The following ARHGAP28 variants were observed in gnomAD, a reference collection of about 807,000 sequenced individuals.
ARHGAP28 encodes the protein rho GTPase-activating protein 28.
Under a neutral mutation model 90.7 loss-of-function variants are expected in ARHGAP28, and 56 were observed. The observed-to-expected ratio is 0.62, with a 90% CI of 0.50 to 0.77. ARHGAP28 has a LOEUF of 0.77. Among genes scored for constraint, ARHGAP28 ranks in the 30% least tolerant of loss-of-function variants. ARHGAP28 has a pLI of 0.00. For missense variants in ARHGAP28, 869 were observed against 900.9 expected, an observed-to-expected ratio of 0.96 and a Z score of 0.45; for synonymous variants, 308 against 323.3, an observed-to-expected ratio of 0.95 and a Z score of 0.51.
chr18:6,792,714 A>C (rs2056415120), intron 1 of ARHGAP28, among the ~76,000 whole-genome samples: 1 of 152,252 alleles, frequency 6.6e-6, no homozygotes, highest in Non-Finnish European at 1.5e-5. Flanking sequence ...ATGGCGCAGT[A>C]ATCGTGACCT....
chr18:6,787,272 T>C (rs1460664666), intron 1 of ARHGAP28, among the ~76,000 whole-genome samples: 1 of 149,556 alleles, frequency 6.7e-6, no homozygotes, highest in Admixed American at 6.7e-5. Flanking sequence ...AAATGTATTT[T>C]GAGGATAAGA....
At chr18:6,764,639 C>T (rs2056186537) in intron 1 of ARHGAP28, among the ~76,000 whole-genome samples, 2 of 152,164 alleles carry the variant, frequency 1.3e-5, no homozygotes, top group Non-Finnish European at 1.5e-5. Flanking sequence ...TGGATATGAC[C>T]TGTGTGTTAG....
At chr18:6,802,728 T>C (rs1436178558) in intron 1 of ARHGAP28, among the ~76,000 whole-genome samples, 3 of 152,192 alleles carry the variant, frequency 2.0e-5, no homozygotes, top group Non-Finnish European at 4.4e-5. Context: ...CATCTTAAAA[T>C]ACTAAATCTT....
chr18:6,887,332 A>C, intron 12 of ARHGAP28, 93 bp downstream of exon 12: 2 of 1,161,788 alleles, frequency 1.7e-6, no homozygotes, highest in Non-Finnish European at 2.5e-6. Context: ...ATGACAGCTC[A>C]CTGAGCCACC....
At chr18:6,821,448 C>T (rs567808012) in intron 1 of ARHGAP28, among the ~76,000 whole-genome samples, 3 of 152,276 alleles carry the variant, frequency 2.0e-5, no homozygotes, top group Non-Finnish European at 4.4e-5. Flanking sequence ...AGCCTAAACT[C>T]CATTTTCTCC....
At chr18:6,802,190 A>G (rs980556140) in intron 1 of ARHGAP28, among the ~76,000 whole-genome samples, 1 of 151,968 alleles carries the variant, frequency 6.6e-6, no homozygotes, top group Non-Finnish European at 1.5e-5. Flanking sequence ...TGATTTCCCT[A>G]TTTTGGCTAT....
intron 8 of ARHGAP28, 46 bp downstream of exon 8, chr18:6,873,620 G>C: frequency 6.2e-7 from 1 of 1,608,500 alleles, no homozygotes; most frequent in African/African-American, 1.3e-5. Flanking sequence ...CTTTGACACA[G>C]TGGAATAAGA....
intron 1 of ARHGAP28, among the ~76,000 whole-genome samples, chr18:6,746,821 G>A (rs2056026933): frequency 6.6e-6 from 1 of 152,174 alleles, no homozygotes; most frequent in African/African-American, 2.4e-5. Context: ...GAAAGAGAGA[G>A]AAACGGATAT....
intron 3 of ARHGAP28, among the ~76,000 whole-genome samples, chr18:6,837,715 C>G (rs2056765216): frequency 6.6e-6 from 1 of 152,070 alleles, no homozygotes; most frequent in Non-Finnish European, 1.5e-5. Context: ...GGACCCTTTA[C>G]TTAAATTTAA....
rs1218449514 is a variant in ARHGAP28, at chr18:6,869,250, ATTCTTTTTTTTTTTTT to A, written c.811+1019_811+1034del. Reference sequence around the variant, plus strand: ...GGAGCATCATAGCTCTCCTTTTGCCATTCTTTTTTTTTTTTTTTTTTTTTTTTGAGATGGAGTTTCG... The same window carrying A: ...GGAGCATCATAGCTCTCCTTTTGCCATTTTTTTTTTTGAGATGGAGTTTCG... On this transcript the variant is annotated intron_variant, in intron 6 of 17. Transcript: ENST00000383472. 7.7e-5 allele frequency among the ~76,000 whole-genome samples: 8 copies of A among 103,812 alleles called. No individual in the cohort carries two copies. In the East Asian group the frequency reaches 1.7e-3, roughly 22 times the overall value. 68.1% of individuals were successfully genotyped at this position (103,812 alleles called of 152,430 possible).
At chr18:6,835,716 A>G (rs916156377) in intron 2 of ARHGAP28, among the ~76,000 whole-genome samples, 1 of 152,138 alleles carries the variant, frequency 6.6e-6, no homozygotes, top group South Asian at 2.1e-4. Context: ...TTATATTTCT[A>G]TATATTGAGG....
chr18:6,800,758 A>T (rs1404368869), intron 1 of ARHGAP28, among the ~76,000 whole-genome samples: 2 of 152,174 alleles, frequency 1.3e-5, no homozygotes, highest in Non-Finnish European at 2.9e-5. Context: ...TATCTAATGT[A>T]GATGAGGGGT....
rs1168942780 is a variant in ARHGAP28 at position 6,786,906 on chromosome 18, C to T, written c.123-37856C>T. ...TGGCCTAAAAATATTGAAATGTTCT[C>T]ATGTGATCATTCATTCACAATTGAA... On this transcript the variant is annotated intron_variant, in intron 1 of 17. Transcript: ENST00000383472. Among the ~76,000 whole-genome samples, 14 of 151,910 alleles carry T rather than the reference C, an allele frequency of 9.2e-5. 1 individual carries two copies. Among genetic ancestry groups the T allele is most frequent in the Admixed American group, 9.2e-4 (14 of 15,242 alleles).
chr18:6,785,068 G>T (rs1365284996), intron 1 of ARHGAP28, among the ~76,000 whole-genome samples: 1 of 152,142 alleles, frequency 6.6e-6, no homozygotes, highest in Non-Finnish European at 1.5e-5. Context: ...CTCATAAGCT[G>T]TCTTTGGAAT....
At chr18:6,754,762 T>C (rs2056096024) in intron 1 of ARHGAP28, 1 of 152,212 alleles carries the variant, frequency 6.6e-6, no homozygotes, top group Non-Finnish European at 1.5e-5. Flanking sequence ...ATTTGCCAGC[T>C]AAGTTTCCCA....
At chr18:6,827,203 T>C (rs1404066529) in intron 2 of ARHGAP28, among the ~76,000 whole-genome samples, 2 of 152,146 alleles carry the variant, frequency 1.3e-5, no homozygotes, top group Admixed American at 1.3e-4. Context: ...AGCTGTTGAG[T>C]ACACCTCCCA....
chr18:6,867,441 A>T (rs906713265), intron 5 of ARHGAP28, among the ~76,000 whole-genome samples: 1 of 152,164 alleles, frequency 6.6e-6, no homozygotes, highest in African/African-American at 2.4e-5. Flanking sequence ...TAAGATTTGC[A>T]TGTAAATTGT....
At chr18:6,806,083 G>A (rs920732346) in intron 1 of ARHGAP28, among the ~76,000 whole-genome samples, 2 of 151,576 alleles carry the variant, frequency 1.3e-5, no homozygotes, top group Non-Finnish European at 2.9e-5. Context: ...TAGTTGAGGC[G>A]GAGTTTCACC....
At chr18:6,801,471 T>C (rs762428029) in intron 1 of ARHGAP28, among the ~76,000 whole-genome samples, 4 of 152,200 alleles carry the variant, frequency 2.6e-5, no homozygotes, top group Non-Finnish European at 4.4e-5. Context: ...ACAGTAGTTT[T>C]GGCTATTTCA....
Sources: gnomAD v4.1 joint callset for allele counts (sites outside exome capture counted in the v4.1 genomes callset) on GRCh38, gnomAD v4.1.1 for gene constraint, MANE v1.5 for transcripts, NCBI Gene and HGNC (gene_info 2026-07-23, HGNC 2026-07-21) for gene names.